Variants in ERC1 observed in about 807,000 individuals in gnomAD.
ERC1 encodes the protein RAB6 interacting protein 2.
ERC1 carries 56 observed loss-of-function variants against 132.0 expected under a neutral mutation model. That is an observed-to-expected ratio of 0.42 (90% CI 0.34 to 0.53). The LOEUF is 0.53. ERC1 is among the 20% of genes least tolerant of loss of function. The probability of loss-of-function intolerance (pLI) is 0.03; values close to 1 mark genes in which losing one functional copy is unlikely to be tolerated. For missense variants in ERC1, 1,202 were observed against 1,349.9 expected (o/e 0.89, Z 1.72); for synonymous variants, 478 against 476.1 (o/e 1.00, Z -0.05).
At chr12:1,252,114 C>T (rs983408041) in intron 13 of ERC1, among the ~76,000 whole-genome samples, 27 of 152,074 alleles carry the variant, frequency 1.8e-4, no homozygotes, top group Non-Finnish European at 2.8e-4. Flanking sequence ...TCCCCTCAAG[C>T]ATTTATCATT....
At chr12:1,278,326 T>C (rs2078425846) in intron 14 of ERC1, among the ~76,000 whole-genome samples, 1 of 152,286 alleles carries the variant, frequency 6.6e-6, no homozygotes, top group Middle Eastern at 3.4e-3. Flanking sequence ...AATGATAAAG[T>C]CTCTAGTAAT....
At chr12:1,108,559 C>CT (rs1945507361) in intron 4 of ERC1, among the ~76,000 whole-genome samples, 1 of 152,074 alleles carries the variant, frequency 6.6e-6, no homozygotes, top group African/African-American at 2.4e-5. Context: ...GTATTTTAGT[C>CT]TTTTTTAAGG....
At chr12:1,250,134 T>C (rs879741178) in intron 13 of ERC1, among the ~76,000 whole-genome samples, 10 of 152,194 alleles carry the variant, frequency 6.6e-5, no homozygotes, top group Non-Finnish European at 1.3e-4. Flanking sequence ...TGAGGTCAGA[T>C]GCTTGGCTTC....
chr12:1,421,412 A>C (rs1224763685), intron 17 of ERC1, among the ~76,000 whole-genome samples: 1 of 152,182 alleles, frequency 6.6e-6, no homozygotes, highest in Non-Finnish European at 1.5e-5. Flanking sequence ...ATAATTTAGC[A>C]GGCTGAGGGC....
intron 18 of ERC1, among the ~76,000 whole-genome samples, chr12:1,475,170 G>A (rs1175752354): frequency 6.6e-6 from 1 of 152,206 alleles, no homozygotes; most frequent in Non-Finnish European, 1.5e-5. Context: ...TACACTGTAT[G>A]GTTTATGTGC....
intron 1 of ERC1, among the ~76,000 whole-genome samples, chr12:996,174 C>T (rs1464587156): frequency 9.4e-5 from 14 of 149,380 alleles, no homozygotes; most frequent in Admixed American, 5.3e-4. Flanking sequence ...CTGCAATCTC[C>T]GCCTCCTGGG....
At chr12:1,168,713 C>G (rs1334818200) in intron 8 of ERC1, among the ~76,000 whole-genome samples, 1 of 151,714 alleles carries the variant, frequency 6.6e-6, no homozygotes, top group Non-Finnish European at 1.5e-5. Context: ...TCTTGAACTC[C>G]TAACCTCAGA....
At chr12:1,061,701 A>T (rs982412649) in intron 2 of ERC1, among the ~76,000 whole-genome samples, 5 of 132,540 alleles carry the variant, frequency 3.8e-5, no homozygotes, top group Admixed American at 1.5e-4. Flanking sequence ...ATCTAATTGA[A>T]TCTCTCTCTC....
intron 15 of ERC1, among the ~76,000 whole-genome samples, chr12:1,322,256 ATG>A (rs1280076717): frequency 6.7e-6 from 1 of 149,150 alleles, no homozygotes. Flanking sequence ...CTAACTGAGA[ATG>A]TACAGTAGAT....
At chr12:1,236,683 A>G (rs1341102811) in intron 12 of ERC1, 86 bp from the exon 13 acceptor site, 19 of 1,341,386 alleles carry the variant, frequency 1.4e-5, no homozygotes, top group Non-Finnish European at 1.8e-5. Flanking sequence ...GCCATTCCTT[A>G]TTGTCACTGG....
chr12:1,181,205 A>G (rs891905844), intron 9 of ERC1, among the ~76,000 whole-genome samples: 3 of 152,144 alleles, frequency 2.0e-5, no homozygotes, highest in African/African-American at 7.2e-5. Context: ...TTTTAAGCTC[A>G]ATATATCAAA....
intron 17 of ERC1, among the ~76,000 whole-genome samples, chr12:1,439,560 G>T (rs979375621): frequency 6.6e-6 from 1 of 152,144 alleles, no homozygotes; most frequent in Non-Finnish European, 1.5e-5. Context: ...TAGCATTGGG[G>T]CCATAATGAC....
chr12:1,387,194 A>G (rs2089471924), intron 16 of ERC1, among the ~76,000 whole-genome samples: 1 of 151,550 alleles, frequency 6.6e-6, no homozygotes, highest in Non-Finnish European at 1.5e-5. Context: ...CTCATACCCA[A>G]CTCAGATTAA....
At chr12:1,264,439 G>A (rs1015502809) in intron 14 of ERC1, among the ~76,000 whole-genome samples, 1 of 152,128 alleles carries the variant, frequency 6.6e-6, no homozygotes, top group Non-Finnish European at 1.5e-5. Context: ...GAGGCGGGCG[G>A]ATCACTTGAG....
intron 1 of ERC1, among the ~76,000 whole-genome samples, chr12:1,018,396 G>A (rs1408825528): frequency 6.6e-6 from 1 of 152,112 alleles, no homozygotes; most frequent in African/African-American, 2.4e-5. Context: ...TGTATTTTTA[G>A]TAGAGACGGG....
chr12:1,166,435 GTCTCAGATATGTCTT>G (rs1167143720), intron 8 of ERC1, among the ~76,000 whole-genome samples: 1 of 152,078 alleles, frequency 6.6e-6, no homozygotes, highest in Non-Finnish European at 1.5e-5. Context: ...TTTCTTCCCA[GTCTCAGATATGTCTT>G]TATCAGCAGC....
chr12:1,069,948 A>T (rs959747563), intron 2 of ERC1, among the ~76,000 whole-genome samples: 20 of 152,330 alleles, frequency 1.3e-4, no homozygotes, highest in African/African-American at 4.8e-4. Flanking sequence ...ACATGTATCG[A>T]TGTGGATAAA....
rs185316178 is a variant in ERC1, at chr12:1,027,755, G to T, written c.-149G>T. The T allele has an allele frequency of 9.6e-5, 62 of 648,898 alleles. No individual in the cohort carries two copies. Among genetic ancestry groups the T allele is most frequent in the African/African-American group, 9.3e-4 (52 of 55,620 alleles). The allele number at this position is 648,898 out of a possible 1,614,324, so 40.2% of individuals were successfully genotyped here. On this transcript the variant is annotated 5_prime_UTR_variant, in exon 2 of 19. Transcript: ENST00000360905. ...GTGATCTTTTCATTACAGATATGGT[G>T]TAAGATACTTCTTCAAGATTGGACA...
intron 17 of ERC1, among the ~76,000 whole-genome samples, chr12:1,408,984 G>A (rs1229078764): frequency 2.6e-5 from 4 of 151,090 alleles, no homozygotes; most frequent in Admixed American, 6.6e-5. Context: ...ATGTAGCTAA[G>A]GGAAAAAAAA....
Sources: allele counts gnomAD v4.1 joint callset (sites outside exome capture counted in the v4.1 genomes callset), GRCh38; gene constraint gnomAD v4.1.1; transcripts MANE v1.5; gene names NCBI Gene and HGNC (gene_info 2026-07-23, HGNC 2026-07-21).